The following RYR3 variants were observed in gnomAD, a reference collection of about 807,000 sequenced individuals.
RYR3 encodes ryanodine receptor 3, also known as brain ryanodine receptor-calcium release channel.
A neutral mutation model predicts 584.3 loss-of-function variants in RYR3; 207 were observed. The ratio of observed to expected loss-of-function variants is 0.35; its 90% confidence interval spans 0.32 to 0.40. The LOEUF (loss-of-function observed/expected upper bound fraction) is 0.40. RYR3 is among the 10% of genes least tolerant of loss of function. The probability of loss-of-function intolerance (pLI) is 1.00; values close to 1 mark genes in which losing one functional copy is unlikely to be tolerated. For synonymous variants in RYR3, 2,416 were observed against 2,248.5 expected, an observed-to-expected ratio of 1.07 and a Z score of -2.11; for missense variants, 5,616 against 6,089.2, an observed-to-expected ratio of 0.92 and a Z score of 2.59.
intron 58 of RYR3, among the ~76,000 whole-genome samples, chr15:33,755,874 A>G (rs1000512398): frequency 2.6e-5 from 4 of 151,832 alleles, no homozygotes; most frequent in African/African-American, 4.8e-5. Flanking sequence ...GGTTCAAGCA[A>G]TTCTCCTGCC....
chr15:33,320,366 G>A (rs907353694), intron 1 of RYR3, among the ~76,000 whole-genome samples: 1 of 152,172 alleles, frequency 6.6e-6, no homozygotes, highest in African/African-American at 2.4e-5. Context: ...ATCATCATAT[G>A]GATGTAGACA....
Position 33,826,639 on chromosome 15 carries a change from A to T in RYR3, c.11165-33A>T, listed in dbSNP as rs1567256002. 5.1e-6 allele frequency: 8 copies of T among 1,556,964 alleles called. No homozygotes were observed. The East Asian group carries it at 1.8e-4, about 35-fold the overall frequency. On this transcript the variant is annotated intron_variant, in intron 83 of 103. Coordinates refer to ENST00000634891, the MANE Select transcript of RYR3 (RefSeq NM_001036.6). Reference sequence around the variant, plus strand: ...GAAAGTATTCTCTGGTGAGAAGCCAAACCAATGCTCATCAACGTTCTGTGT... The same window carrying T: ...GAAAGTATTCTCTGGTGAGAAGCCATACCAATGCTCATCAACGTTCTGTGT...
chr15:33,842,066 G>A (rs1488814961), intron 91 of RYR3, 31 bp downstream of exon 91: 9 of 1,581,302 alleles, frequency 5.7e-6, no homozygotes, highest in Non-Finnish European at 6.9e-6. Context: ...CCTGTTCATG[G>A]TGCAGGGATT....
intron 93 of RYR3, among the ~76,000 whole-genome samples, chr15:33,846,103 A>C (rs981911022): frequency 2.0e-5 from 3 of 152,316 alleles, no homozygotes; most frequent in Non-Finnish European, 1.5e-5. Flanking sequence ...CTTTCTCTCC[A>C]GGGAGATTCA....
Position 33,859,648 on chromosome 15 carries a change from G to A in RYR3, c.14216G>A (p.Gly4739Asp). The A allele has an allele frequency of 6.2e-7, 1 of 1,613,988 alleles. No individual in the cohort carries two copies. Among genetic ancestry groups the A allele is most frequent in the Non-Finnish European group, 8.5e-7 (1 of 1,179,876 alleles). ...GIGDEIEDPAGDPYEMYRIVF... is the reference protein window; with the variant it reads ...GIGDEIEDPADDPYEMYRIVF... ...GGTGATGAAATTGAAGACCCTGCTG[G>A]TGATCCTTATGAAATGTATCGCATT... The change falls in exon 100 of 104, where the codon GGT becomes GAT. Residue 4739 changes from glycine to aspartate, a missense_variant. This residue lies in a region of RYR3 where 918 missense variants were observed against 887.4 expected (regional missense o/e 1.03). Transcript: ENST00000634891.
At chr15:33,565,096 C>G (rs2057633299) in intron 11 of RYR3, among the ~76,000 whole-genome samples, 1 of 108,776 alleles carries the variant, frequency 9.2e-6, no homozygotes, top group African/African-American at 3.8e-5. Flanking sequence ...TAAGATTTCT[C>G]GCAGAGAAGG....
chr15:33,699,608 GTTCACACT>G, intron 40 of RYR3, 88 bp from the exon 41 acceptor site: 1 of 1,129,828 alleles, frequency 8.9e-7, no homozygotes, highest in Non-Finnish European at 1.2e-6. Flanking sequence ...TTTTCCAAGT[GTTCACACT>G]TTACCCACTT....
chr15:33,845,796 G>A (rs1454346971), intron 93 of RYR3, among the ~76,000 whole-genome samples: 1 of 152,210 alleles, frequency 6.6e-6, no homozygotes, highest in Non-Finnish European at 1.5e-5. Context: ...AACCACTCAA[G>A]ATCTCAGAAG....
chr15:33,745,508 T>C (rs1018593259), intron 52 of RYR3, among the ~76,000 whole-genome samples: 6 of 152,172 alleles, frequency 3.9e-5, no homozygotes, highest in African/African-American at 1.2e-4. Flanking sequence ...CAGGGGCTCT[T>C]ACTTATCTCT....
chr15:33,442,334 C>G (rs1001636981), intron 1 of RYR3, among the ~76,000 whole-genome samples: 1 of 152,150 alleles, frequency 6.6e-6, no homozygotes, highest in Non-Finnish European at 1.5e-5. Flanking sequence ...TGGTATCTCA[C>G]TTTGATGTTC....
At chr15:33,723,944 A>C in intron 44 of RYR3, 121 bp from the exon 45 acceptor site, 1 of 612,720 alleles carries the variant, frequency 1.6e-6, no homozygotes, top group Non-Finnish European at 2.9e-6. Flanking sequence ...ACGAGGTTCC[A>C]AGGGAAAGGA....
At chr15:33,699,899 T>C (rs748979870) in intron 41 of RYR3, 66 bp downstream of exon 41, 61 of 1,541,194 alleles carry the variant, frequency 4.0e-5, no homozygotes, top group Non-Finnish European at 5.2e-5. Context: ...TTTGACCACT[T>C]AGGAAAATAC....
chr15:33,635,837 G>A lies in RYR3; in HGVS notation c.3381+18G>A. ...GCAACAGGGTGAGTTTATATATCTA[G>A]CAAACACCCATCCTCAGACCAAGTT... is the stretch of plus-strand genomic sequence containing the variant. On this transcript the variant is annotated intron_variant, in intron 26 of 103. Coordinates refer to ENST00000634891, the MANE Select transcript of RYR3 (RefSeq NM_001036.6). 1.3e-6 allele frequency: 2 copies of A among 1,597,074 alleles called. No individual in the cohort carries two copies. The highest frequency in any genetic ancestry group is 1.3e-5 in the African/African-American group (1 of 74,776).
At chr15:33,539,679 A>G (rs181187720) in intron 6 of RYR3, among the ~76,000 whole-genome samples, 2 of 152,216 alleles carry the variant, frequency 1.3e-5, no homozygotes, top group African/African-American at 4.8e-5. Context: ...TTAACTTTTG[A>G]TAAGAAGTAG....
At chr15:33,728,779 A>G in intron 46 of RYR3, 78 bp from the exon 47 acceptor site, 1 of 1,394,408 alleles carries the variant, frequency 7.2e-7, no homozygotes, top group Non-Finnish European at 9.7e-7. Flanking sequence ...AATAAGCTAT[A>G]GACAGACAAG....
At chr15:33,434,641 C>T (rs568214290) in intron 1 of RYR3, among the ~76,000 whole-genome samples, 2 of 152,136 alleles carry the variant, frequency 1.3e-5, no homozygotes, top group African/African-American at 4.8e-5. Context: ...CACTCGCATA[C>T]TTGCTATTCA....
chr15:33,755,360 C>G (rs979369366), intron 58 of RYR3, among the ~76,000 whole-genome samples, 180 bp downstream of exon 58: 6 of 152,154 alleles, frequency 3.9e-5, no homozygotes, highest in Admixed American at 2.6e-4. Context: ...GTGGCTCACA[C>G]CTGTAATCCC....
intron 1 of RYR3, among the ~76,000 whole-genome samples, chr15:33,379,687 C>CTCTCTCTCTCTCTCTA: frequency 8.0e-6 from 1 of 125,516 alleles, no homozygotes. Flanking sequence ...CTCTCTCTCT[C>CTCTCTCTCTCTCTCTA]TATATATATA....
chr15:33,594,444 C>T lies in RYR3; in HGVS notation c.1789-6975C>T, dbSNP rs77649873. ...TGTTCTTTACTCAATTGTTAAAAGCCGTAAATAGCTTAAAGGTTTTCTTAA... is the reference window on the plus strand; with the variant it reads ...TGTTCTTTACTCAATTGTTAAAAGCTGTAAATAGCTTAAAGGTTTTCTTAA... On this transcript the variant is annotated intron_variant, in intron 16 of 103. Transcript: ENST00000634891. Among the ~76,000 whole-genome samples, 1,056 of 152,102 alleles carry T rather than the reference C, an allele frequency of 6.9e-3. 8 individuals carry two copies. Among genetic ancestry groups the T allele is most frequent in the African/African-American group, 0.024 (991 of 41,504 alleles).
Sources: gnomAD v4.1 joint callset for allele counts (sites outside exome capture counted in the v4.1 genomes callset) on GRCh38, gnomAD v4.1.1 for gene constraint, gnomAD v4.1.1 regional missense constraint, MANE v1.5 for transcripts, NCBI Gene and HGNC (gene_info 2026-07-23, HGNC 2026-07-21) for gene names.